GLB1L3: variants seen among roughly 807,000 people sequenced by gnomAD.
GLB1L3 encodes the protein beta-galactosidase-1-like protein 3.
GLB1L3 carries 89 observed loss-of-function variants against 89.5 expected under a neutral mutation model. The ratio of observed to expected loss-of-function variants is 0.99; its 90% confidence interval spans 0.84 to 1.19. The LOEUF (loss-of-function observed/expected upper bound fraction) is 1.19. Among genes scored for constraint, GLB1L3 ranks in the 50% most tolerant of loss-of-function variants. The pLI is 0.00. For missense variants in GLB1L3, 812 were observed against 813.3 expected, an observed-to-expected ratio of 1.00 and a Z score of 0.02; for synonymous variants, 314 against 312.3, an observed-to-expected ratio of 1.01 and a Z score of -0.06.
chr11:134,276,893 C>A (rs1940394841), intron 1 of GLB1L3, 130 bp downstream of exon 1: 1 of 798,320 alleles, frequency 1.3e-6, no homozygotes, highest in Non-Finnish European at 1.7e-6. Context: ...CGCCACCAAG[C>A]CCGCTGTCCC....
intron 10 of GLB1L3, among the ~76,000 whole-genome samples, chr11:134,308,235 C>CCACCAT (rs1565412573): frequency 3.6e-5 from 1 of 27,808 alleles, no homozygotes; most frequent in African/African-American, 2.0e-4. Flanking sequence ...ACCACCACCA[C>CCACCAT]CATCACCATC....
Position 134,318,901 on chromosome 11 carries a change from A to T in GLB1L3, c.1921A>T (p.Ser641Cys). Residue 641 changes from serine (S) to cysteine (C), a missense_variant, in exon 20 of 20, where the codon AGT becomes TGT. By Grantham distance (112) the Ser-to-Cys change is moderately radical. Coordinates refer to ENST00000431683, the MANE Select transcript of GLB1L3 (RefSeq NM_001080407.3). ...NEVILFEKMM[S>C]GSDIKSTDKP... ...GGTCATCTTGTTTGAGAAGATGATG[A>T]GTGGCTCAGATATCAAATCTACAGA... 1 of 1,612,948 alleles carries T rather than the reference A, an allele frequency of 6.2e-7. No homozygotes were observed.
intron 15 of GLB1L3, 34 bp from the exon 16 acceptor site, chr11:134,313,362 T>A (rs1422152622): frequency 6.5e-7 from 1 of 1,530,494 alleles, no homozygotes; most frequent in Non-Finnish European, 8.9e-7. Flanking sequence ...CCTCCATGGC[T>A]GCGTGGTCTC....
intron 7 of GLB1L3, among the ~76,000 whole-genome samples, chr11:134,290,123 C>T (rs1448282945): frequency 1.3e-5 from 2 of 152,190 alleles, no homozygotes; most frequent in African/African-American, 4.8e-5. Context: ...AATTTCCCTC[C>T]CTGTCTTTTC....
At position 134,308,229 on chromosome 11, in the gene GLB1L3, C is replaced by CAT. The variant is rs1565412537; in HGVS notation, c.961+1021_961+1022insAT. On this transcript the variant is annotated intron_variant, in intron 10 of 19. Coordinates refer to ENST00000431683, the MANE Select transcript of GLB1L3 (RefSeq NM_001080407.3). ...ACCACCACCACCATCACCATCACCA[C>CAT]CACCACCATCACCATCACCACCATC... Among the ~76,000 whole-genome samples, 21 of 25,226 alleles carry CAT rather than the reference C, an allele frequency of 8.3e-4. 3 individuals carry two copies. Among genetic ancestry groups the CAT allele is most frequent in the Admixed American group, 2.5e-3 (7 of 2,778 alleles). The allele number at this position is 25,226 out of a possible 152,430, so 16.5% of individuals were successfully genotyped here.
At chr11:134,308,199 CCA>C (rs1942318368) in intron 10 of GLB1L3, among the ~76,000 whole-genome samples, 2 of 56,008 alleles carry the variant, frequency 3.6e-5, no homozygotes, top group East Asian at 5.4e-4. Context: ...ATCACCATCA[CCA>C]CTACCACCAC....
chr11:134,297,876 A>AAAAAAAAAAAAAAAAG (rs1555077361), intron 9 of GLB1L3, among the ~76,000 whole-genome samples: 22 of 110,862 alleles, frequency 2.0e-4, no homozygotes, highest in Non-Finnish European at 3.5e-4. Context: ...AAAAAAAAAA[A>AAAAAAAAAAAAAAAAG]AAAGAAAGAA....
chr11:134,282,363 G>A (rs924120437), intron 5 of GLB1L3, among the ~76,000 whole-genome samples: 3 of 152,086 alleles, frequency 2.0e-5, no homozygotes, highest in Non-Finnish European at 2.9e-5. Context: ...CGTTGGTCCT[G>A]GGGCCTTGGG....
At position 134,311,146 on chromosome 11, in the gene GLB1L3, G is replaced by A. The variant is rs1460600238; in HGVS notation, c.1263G>A (p.Trp421Ter). Residue 421 changes from tryptophan to a stop codon, truncating the protein, a stop_gained, in exon 13 of 20, where the codon TGG (tryptophan) becomes TGA (stop). Transcript: ENST00000431683. LOFTEE classifies it high-confidence loss of function. Reference protein sequence around the residue: ...PVRPSLYLPLWDALSYLNEPV... With the variant: ...PVRPSLYLPL ...GACCGTCGCTGTACCTCCCGCTGTG[G>A]GACGCCCTATCCTACTTAAATGAGG... 6.2e-7 allele frequency: 1 copy of A among 1,613,618 alleles called. No homozygotes were observed. The highest frequency in any genetic ancestry group is 1.7e-5 in the Admixed American group (1 of 60,006).
At chr11:134,317,837 TTTATC>T (rs1394408233) in intron 18 of GLB1L3, among the ~76,000 whole-genome samples, 1 of 152,174 alleles carries the variant, frequency 6.6e-6, no homozygotes, top group African/African-American at 2.4e-5. Context: ...AATCTCTGCT[TTTATC>T]TTTCTTATGT....
intron 1 of GLB1L3, 38 bp downstream of exon 1, chr11:134,276,801 C>A: frequency 1.5e-6 from 2 of 1,376,308 alleles, no homozygotes; most frequent in South Asian, 1.7e-5. Context: ...CTGCCCACCA[C>A]CCCGGCGCGT....
At chr11:134,320,413 G>A (rs889643950), downstream of GLB1L3, among the ~76,000 whole-genome samples, 1 of 152,138 alleles carries the variant, frequency 6.6e-6, no homozygotes, top group African/African-American at 2.4e-5. Flanking sequence ...CAATGTAAAG[G>A]AGGGAAGCAG....
At chr11:134,299,287 C>T (rs1189355517) in intron 9 of GLB1L3, among the ~76,000 whole-genome samples, 1 of 152,044 alleles carries the variant, frequency 6.6e-6, no homozygotes, top group Non-Finnish European at 1.5e-5. Flanking sequence ...ATAGTTACAA[C>T]ATCTGTGTCT....
At chr11:134,285,368 G>A (rs937433495) in intron 6 of GLB1L3, among the ~76,000 whole-genome samples, 4 of 152,148 alleles carry the variant, frequency 2.6e-5, no homozygotes, top group Non-Finnish European at 5.9e-5. Flanking sequence ...AGACAGCATT[G>A]TTTGATCATT....
At chr11:134,318,287 A>G (rs1403774804) in intron 18 of GLB1L3, among the ~76,000 whole-genome samples, 1 of 152,206 alleles carries the variant, frequency 6.6e-6, no homozygotes, top group Non-Finnish European at 1.5e-5. Context: ...GATTTTTAAA[A>G]ATGTGCAGCT....
At chr11:134,282,746 G>A (rs953120598) in intron 5 of GLB1L3, among the ~76,000 whole-genome samples, 2 of 152,218 alleles carry the variant, frequency 1.3e-5, no homozygotes, top group African/African-American at 4.8e-5. Flanking sequence ...GGTGGGCAGG[G>A]CTTCCTGGGG....
chr11:134,279,219 A>G (rs1486159119), intron 3 of GLB1L3, among the ~76,000 whole-genome samples: 1 of 152,078 alleles, frequency 6.6e-6, no homozygotes, highest in African/African-American at 2.4e-5. Flanking sequence ...TGTGACTACT[A>G]TCTTTTGTGG....
At chr11:134,318,564 A>C (rs1348371663) in intron 18 of GLB1L3, 67 bp from the exon 19 acceptor site, 3 of 923,470 alleles carry the variant, frequency 3.2e-6, no homozygotes, top group Non-Finnish European at 5.2e-6. Context: ...CTCACTCTCC[A>C]AGTGCCTTAG....
chr11:134,298,701 T>C (rs1231033594), intron 9 of GLB1L3, among the ~76,000 whole-genome samples: 4 of 152,172 alleles, frequency 2.6e-5, no homozygotes, highest in Admixed American at 2.6e-4. Context: ...TAAGTGCCTT[T>C]CCCCTTCTGC....
Sources: allele counts gnomAD v4.1 joint callset (sites outside exome capture counted in the v4.1 genomes callset), GRCh38; gene constraint gnomAD v4.1.1; transcripts MANE v1.5; gene names NCBI Gene and HGNC (gene_info 2026-07-23, HGNC 2026-07-21).